Variants in HIVEP3 observed in about 807,000 individuals in gnomAD.
The protein encoded by HIVEP3 is HIVEP zinc finger 3.
HIVEP3 carries 49 observed loss-of-function variants against 152.8 expected under a neutral mutation model. That is an observed-to-expected ratio of 0.32 (90% confidence interval 0.26 to 0.41). The LOEUF (loss-of-function observed/expected upper bound fraction) is 0.41, where lower values mean the gene tolerates loss of function less well. Ranked by LOEUF, HIVEP3 falls within the 10% of genes least tolerant of loss-of-function variation. The probability of loss-of-function intolerance (pLI) is 1.00; values close to 1 mark genes in which losing one functional copy is unlikely to be tolerated. For synonymous variants in HIVEP3, 1,269 were observed against 1,289.0 expected, an observed-to-expected ratio of 0.98 and a Z score of 0.33; for missense variants, 2,790 against 3,103.3, an observed-to-expected ratio of 0.90 and a Z score of 2.40.
At chr1:41,989,062 GT>G (rs1645341176) in intron 1 of HIVEP3, among the ~76,000 whole-genome samples, 2 of 152,168 alleles carry the variant, frequency 1.3e-5, no homozygotes, top group East Asian at 3.9e-4. Flanking sequence ...CTAGAGGATA[GT>G]GGGGGATGGG....
At chr1:41,525,876 C>G (rs1642886156) in intron 5 of HIVEP3, among the ~76,000 whole-genome samples, 1 of 152,096 alleles carries the variant, frequency 6.6e-6, no homozygotes, top group Non-Finnish European at 1.5e-5. Context: ...GAGAGGGGAC[C>G]CTGGCATAAT....
At chr1:41,771,901 G>A (rs1648396974) in intron 1 of HIVEP3, among the ~76,000 whole-genome samples, 1 of 152,082 alleles carries the variant, frequency 6.6e-6, no homozygotes, top group Non-Finnish European at 1.5e-5. Context: ...TCCTGATCTC[G>A]TGATCCGCCC....
At chr1:41,696,125 T>C (rs1258475660) in intron 2 of HIVEP3, among the ~76,000 whole-genome samples, 17 of 152,202 alleles carry the variant, frequency 1.1e-4, no homozygotes, top group Admixed American at 1.1e-3. Flanking sequence ...ACTTGACAAA[T>C]GTGAGGCATG....
chr1:41,776,560 G>A (rs1297715393), intron 1 of HIVEP3, among the ~76,000 whole-genome samples: 2 of 152,260 alleles, frequency 1.3e-5, no homozygotes, highest in Non-Finnish European at 2.9e-5. Context: ...AGATGAGGCT[G>A]CAGACCAGCC....
chr1:41,998,692 T>C (rs1409767929), intron 1 of HIVEP3, among the ~76,000 whole-genome samples: 1 of 152,100 alleles, frequency 6.6e-6, no homozygotes, highest in African/African-American at 2.4e-5. Flanking sequence ...TGAGGTCTAT[T>C]AACAACTGAC....
At chr1:42,023,880 T>C (rs1645568125) in intron 1 of HIVEP3, among the ~76,000 whole-genome samples, 1 of 152,232 alleles carries the variant, frequency 6.6e-6, no homozygotes, top group Non-Finnish European at 1.5e-5. Flanking sequence ...TCGAATTACA[T>C]ATTTTTCATG....
chr1:41,816,435 C>T (rs1651269508), intron 1 of HIVEP3, among the ~76,000 whole-genome samples: 1 of 152,118 alleles, frequency 6.6e-6, no homozygotes, highest in Non-Finnish European at 1.5e-5. Context: ...TCCTGTAATC[C>T]CAGCACTTTG....
At chr1:41,565,154 G>A (rs1169074526) in intron 5 of HIVEP3, among the ~76,000 whole-genome samples, 1 of 152,206 alleles carries the variant, frequency 6.6e-6, no homozygotes, top group East Asian at 1.9e-4. Context: ...AACAGGAAAG[G>A]AAAGTAATCA....
chr1:41,731,509 C>T (rs1646838951), intron 1 of HIVEP3, among the ~76,000 whole-genome samples: 1 of 152,232 alleles, frequency 6.6e-6, no homozygotes, highest in South Asian at 2.1e-4. Flanking sequence ...ACCTATGTAA[C>T]TAACAGGATG....
chr1:41,937,468 C>A lies in HIVEP3; in HGVS notation n.120-18944G>T, dbSNP rs573322666. ...AGAGGATCGAAGGCCTTGACCTGCA[C>A]TATCCAAAATGGTAGCCACTAGCCA... On this transcript the variant is annotated intron_variant and non_coding_transcript_variant, in intron 1 of 3. Transcript: ENST00000489103. 2.0e-5 allele frequency among the ~76,000 whole-genome samples: 3 copies of A among 152,252 alleles called. No individual in the cohort carries two copies. The South Asian group carries it at 6.2e-4, about 32-fold the overall frequency.
intron 1 of HIVEP3, among the ~76,000 whole-genome samples, chr1:41,742,132 C>T (rs951599584): frequency 1.3e-5 from 2 of 152,140 alleles, no homozygotes; most frequent in Admixed American, 6.5e-5. Context: ...GGGCTGGTAC[C>T]AAATCTTATC....
At chr1:41,930,577 C>T (rs1458143458) in intron 1 of HIVEP3, among the ~76,000 whole-genome samples, 4 of 152,076 alleles carry the variant, frequency 2.6e-5, no homozygotes, top group African/African-American at 7.2e-5. Flanking sequence ...TACAAATATT[C>T]ATGTATGGGT....
intron 1 of HIVEP3, among the ~76,000 whole-genome samples, chr1:41,876,608 C>T (rs1470350498): frequency 1.3e-5 from 2 of 152,044 alleles, no homozygotes; most frequent in Non-Finnish European, 2.9e-5. Flanking sequence ...TTACTAAACC[C>T]AGGTCTCCTA....
chr1:41,794,886 G>A (rs376230604), intron 1 of HIVEP3, among the ~76,000 whole-genome samples: 46 of 152,244 alleles, frequency 3.0e-4, no homozygotes, highest in African/African-American at 1.1e-3. Flanking sequence ...TTCATCTAAT[G>A]TTAACATTCT....
At chr1:41,723,502 CA>C (rs1646707896) in intron 1 of HIVEP3, among the ~76,000 whole-genome samples, 2 of 31,570 alleles carry the variant, frequency 6.3e-5, no homozygotes, top group Non-Finnish European at 9.5e-5. Flanking sequence ...ACACAGCCAC[CA>C]CACACACACA....
At chr1:41,610,598 T>C (rs1644883274) in intron 3 of HIVEP3, among the ~76,000 whole-genome samples, 1 of 152,164 alleles carries the variant, frequency 6.6e-6, no homozygotes, top group South Asian at 2.1e-4. Flanking sequence ...TGAATATCAG[T>C]CACTGGTGGG....
At chr1:42,005,306 ATAG>A (rs935660459) in intron 1 of HIVEP3, among the ~76,000 whole-genome samples, 2 of 152,326 alleles carry the variant, frequency 1.3e-5, no homozygotes, top group African/African-American at 4.8e-5. Context: ...TGCCCAGCAC[ATAG>A]TAGGTGTACA....
At chr1:41,838,261 T>C (rs566595185) in intron 1 of HIVEP3, among the ~76,000 whole-genome samples, 2 of 152,126 alleles carry the variant, frequency 1.3e-5, no homozygotes, top group Non-Finnish European at 2.9e-5. Context: ...AGAATCCACA[T>C]AATGTCATCG....
intron 1 of HIVEP3, among the ~76,000 whole-genome samples, chr1:41,710,721 A>T (rs1646500539): frequency 6.6e-6 from 1 of 152,110 alleles, no homozygotes; most frequent in Non-Finnish European, 1.5e-5. Context: ...CACCCACCTT[A>T]TTCCTGGGCA....
Sources: allele counts gnomAD v4.1 joint callset (sites outside exome capture counted in the v4.1 genomes callset), GRCh38; gene constraint gnomAD v4.1.1; transcripts MANE v1.5; gene names NCBI Gene and HGNC (gene_info 2026-07-23, HGNC 2026-07-21).